Variants in RUNX2 observed in about 807,000 individuals in gnomAD.
RUNX2 encodes the protein RUNX family transcription factor 2.
RUNX2 carries 10 observed loss-of-function variants against 51.7 expected under a neutral mutation model. The observed-to-expected ratio is 0.19, with a 90% CI of 0.12 to 0.33. The LOEUF (loss-of-function observed/expected upper bound fraction) is 0.33, where lower values mean the gene tolerates loss of function less well. Ranked by LOEUF, RUNX2 falls within the 10% of genes least tolerant of loss-of-function variation. The pLI, the probability that RUNX2 is intolerant of heterozygous loss-of-function variation, is 1.00. For synonymous variants in RUNX2, 276 were observed against 273.6 expected (o/e 1.01, Z -0.09); for missense variants, 562 against 691.3 (o/e 0.81, Z 2.10).
chr6:45,382,809 AT>A (rs1310496428), intron 2 of RUNX2, among the ~76,000 whole-genome samples: 2 of 152,192 alleles, frequency 1.3e-5, no homozygotes, highest in Non-Finnish European at 2.9e-5. Context: ...GACAGGTCCT[AT>A]TGCAGTAACC....
chr6:45,335,277 A>C (rs539434902), intron 2 of RUNX2, among the ~76,000 whole-genome samples: 1 of 151,458 alleles, frequency 6.6e-6, no homozygotes, highest in East Asian at 1.9e-4. Context: ...AAATGATTAC[A>C]AATTATTTAA....
At chr6:45,381,207 GA>G (rs1797234464) in intron 2 of RUNX2, among the ~76,000 whole-genome samples, 1 of 152,176 alleles carries the variant, frequency 6.6e-6, no homozygotes, top group Non-Finnish European at 1.5e-5. Flanking sequence ...TGACCAAAAA[GA>G]TTACTCAGCC....
chr6:45,351,540 A>G (rs1792053910), intron 2 of RUNX2, among the ~76,000 whole-genome samples: 1 of 152,174 alleles, frequency 6.6e-6, no homozygotes, highest in Non-Finnish European at 1.5e-5. Flanking sequence ...GAAGACTTCC[A>G]GGACGATGAG....
At chr6:45,412,420 C>T (rs562703774) in intron 2 of RUNX2, among the ~76,000 whole-genome samples, 4 of 152,002 alleles carry the variant, frequency 2.6e-5, no homozygotes, top group South Asian at 4.1e-4. Flanking sequence ...TTCTTTTGTA[C>T]GTATGAGAAG....
chr6:45,358,499 C>T (rs1258525917), intron 2 of RUNX2, among the ~76,000 whole-genome samples: 1 of 152,150 alleles, frequency 6.6e-6, no homozygotes, highest in Non-Finnish European at 1.5e-5. Flanking sequence ...ATATTTCCCC[C>T]TATACTTGAA....
At chr6:45,444,848 G>C (rs1266817251) in intron 5 of RUNX2, among the ~76,000 whole-genome samples, 2 of 152,090 alleles carry the variant, frequency 1.3e-5, no homozygotes, top group African/African-American at 2.4e-5. Flanking sequence ...TTTCCAGCCT[G>C]GTGAAGGGTG....
intron 5 of RUNX2, among the ~76,000 whole-genome samples, chr6:45,447,036 A>G (rs1799020239): frequency 6.6e-6 from 1 of 152,242 alleles, no homozygotes; most frequent in South Asian, 2.1e-4. Flanking sequence ...ATTTAGGTTT[A>G]AGGCTTAAAC....
chr6:45,503,756 G>T (rs1254910706), intron 6 of RUNX2, among the ~76,000 whole-genome samples: 10 of 152,178 alleles, frequency 6.6e-5, no homozygotes, highest in Non-Finnish European at 1.2e-4. Context: ...TTTTCTGTAA[G>T]ACAGTTATGA....
intron 2 of RUNX2, among the ~76,000 whole-genome samples, chr6:45,371,122 T>C (rs1795994197): frequency 6.6e-6 from 1 of 152,166 alleles, no homozygotes; most frequent in South Asian, 2.1e-4. Flanking sequence ...ATTATACTCC[T>C]AACAGTAAGA....
chr6:45,503,631 G>C (rs1392183434), intron 6 of RUNX2, among the ~76,000 whole-genome samples: 4 of 152,174 alleles, frequency 2.6e-5, no homozygotes, highest in Non-Finnish European at 2.9e-5. Context: ...CCCTCTTCTA[G>C]CTTTGCCGTT....
At position 45,446,691 on chromosome 6, in the gene RUNX2, A is replaced by T. The variant is rs186887948; in HGVS notation, c.685+8640A>T. Among the ~76,000 whole-genome samples the T allele has an allele frequency of 4.6e-5, 7 of 152,330 alleles. No individual in the cohort carries two copies. The East Asian group carries it at 1.3e-3, about 29-fold the overall frequency. On this transcript the variant is annotated intron_variant, in intron 5 of 8. Transcript: ENST00000647337. ...AAAGATTTGTTGTATTGCTTTTCCC[A>T]TTCATACCTGTCCATACCTAGCATT...
chr6:45,472,041 T>A (rs1799818470), intron 5 of RUNX2, among the ~76,000 whole-genome samples: 1 of 152,168 alleles, frequency 6.6e-6, no homozygotes. Flanking sequence ...TGGTTCTTCT[T>A]TTTTTTAATT....
chr6:45,330,968 A>C (rs546321644), intron 2 of RUNX2, among the ~76,000 whole-genome samples: 6 of 152,126 alleles, frequency 3.9e-5, no homozygotes, highest in Admixed American at 2.6e-4. Context: ...TTATATAATG[A>C]TTATCACCAC....
chr6:45,422,337 T>G, intron 2 of RUNX2: 4 of 456,186 alleles, frequency 8.8e-6, no homozygotes, highest in Admixed American at 4.0e-5. Context: ...CCGGCAAAGA[T>G]CTGCGCCTCC....
intron 7 of RUNX2, among the ~76,000 whole-genome samples, chr6:45,515,681 A>G (rs1801298239): frequency 6.6e-6 from 1 of 152,240 alleles, no homozygotes; most frequent in Non-Finnish European, 1.5e-5. Flanking sequence ...CCTAGCACAT[A>G]GAACTCCTCA....
intron 5 of RUNX2, among the ~76,000 whole-genome samples, chr6:45,480,376 G>C (rs1405166173): frequency 6.6e-6 from 1 of 152,074 alleles, no homozygotes; most frequent in Non-Finnish European, 1.5e-5. Context: ...TTATTAGGGG[G>C]GTTATTTCAA....
At chr6:45,363,872 A>G (rs953512614) in intron 2 of RUNX2, among the ~76,000 whole-genome samples, 1 of 151,942 alleles carries the variant, frequency 6.6e-6, no homozygotes, top group Non-Finnish European at 1.5e-5. Flanking sequence ...CAGGTTTACT[A>G]CTTTTCAAGT....
intron 7 of RUNX2, among the ~76,000 whole-genome samples, chr6:45,523,591 G>T (rs1396330183): frequency 6.6e-6 from 1 of 151,662 alleles, no homozygotes; most frequent in Non-Finnish European, 1.5e-5. Context: ...TTTTAAATTA[G>T]CTCTTAGGTT....
intron 2 of RUNX2, among the ~76,000 whole-genome samples, chr6:45,400,627 A>G (rs1185159451): frequency 6.6e-6 from 1 of 152,194 alleles, no homozygotes; most frequent in East Asian, 1.9e-4. Context: ...CCTGACTCCA[A>G]TAAATTTGGG....
Sources: allele counts gnomAD v4.1 joint callset (sites outside exome capture counted in the v4.1 genomes callset), GRCh38; gene constraint gnomAD v4.1.1; transcripts MANE v1.5; gene names NCBI Gene and HGNC (gene_info 2026-07-23, HGNC 2026-07-21).